The following NLRP5 variants were observed in gnomAD, a reference collection of about 807,000 sequenced individuals.
NLRP5 encodes the protein NACHT, LRR and PYD domains-containing protein 5.
In NLRP5, 93 loss-of-function variants were observed where a neutral mutation model predicts 113.1. The ratio of observed to expected loss-of-function variants is 0.82; its 90% CI spans 0.70 to 0.98. The LOEUF (loss-of-function observed/expected upper bound fraction) is 0.98, where lower values mean the gene tolerates loss of function less well. Among genes scored for constraint, NLRP5 ranks in the 50% least tolerant of loss-of-function variants. The probability of loss-of-function intolerance (pLI) is 0.00; values close to 1 mark genes in which losing one functional copy is unlikely to be tolerated. For missense variants in NLRP5, 1,808 were observed against 1,514.3 expected (o/e 1.19, Z -3.22); for synonymous variants, 751 against 600.7 (o/e 1.25, Z -3.66).
chr19:56,002,416 C>T (rs1981689243), intron 1 of NLRP5, among the ~76,000 whole-genome samples: 1 of 151,204 alleles, frequency 6.6e-6, no homozygotes, highest in Non-Finnish European at 1.5e-5. Context: ...AACCCTGTAA[C>T]TGGTTATTAG....
intron 11 of NLRP5, among the ~76,000 whole-genome samples, chr19:56,050,177 G>A (rs1470163165): frequency 6.6e-6 from 1 of 151,990 alleles, no homozygotes. Context: ...CTACTCAGAA[G>A]GCTGAGGCAG....
the NLRP5 span, chr19:55,987,747 A>G: frequency 1.7e-6 from 2 of 1,172,004 alleles, no homozygotes; most frequent in African/African-American, 1.5e-5. Flanking sequence ...ACAAAATGCA[A>G]GCTTAGGGAA....
At chr19:56,022,143 T>C (rs1488064064) in intron 6 of NLRP5, among the ~76,000 whole-genome samples, 5 of 152,190 alleles carry the variant, frequency 3.3e-5, no homozygotes, top group African/African-American at 4.8e-5. Flanking sequence ...GAATAATTAC[T>C]CTGGTCTAGG....
chr19:56,014,033 G>C (rs73068157), intron 3 of NLRP5, among the ~76,000 whole-genome samples: 8,477 of 152,108 alleles, frequency 0.056, 289 homozygotes, highest in African/African-American at 0.078. Flanking sequence ...TTATCATCTA[G>C]ATTATGTAGA....
the NLRP5 span, among the ~76,000 whole-genome samples, chr19:55,990,079 C>CTTTTCTTTTTT: frequency 1.0e-5 from 1 of 95,958 alleles, no homozygotes. Flanking sequence ...TTTCTTTTTT[C>CTTTTCTTTTTT]TTTTTTTTTT....
intron 11 of NLRP5, among the ~76,000 whole-genome samples, chr19:56,042,545 C>T (rs922009013): frequency 3.3e-5 from 5 of 152,162 alleles, no homozygotes; most frequent in African/African-American, 1.2e-4. Context: ...GGCAGGGTTT[C>T]ACCATGTTGT....
chr19:56,055,298 C>T (rs547276854), intron 13 of NLRP5, among the ~76,000 whole-genome samples: 1 of 151,044 alleles, frequency 6.6e-6, no homozygotes, highest in East Asian at 2.0e-4. Context: ...GGCCGGGACC[C>T]TTTTCCTTCT....
At position 56,032,730 on chromosome 19, in the gene NLRP5, A is replaced by G. The variant is rs1395430229; in HGVS notation, c.2396A>G (p.Lys799Arg). The G allele has an allele frequency of 6.2e-7, 1 of 1,612,910 alleles. No homozygotes were observed. The highest frequency in any genetic ancestry group is 8.5e-7 in the Non-Finnish European group (1 of 1,179,754). ...AGCATCCTGACAGAGCGGGCCATGA[A>G]GACCCTGTGTGCCAAGCTGAGGCAT... Residue 799 changes from lysine to arginine, a missense_variant, in exon 8 of 15, where the codon AAG becomes AGG. Lys to Arg is a conservative substitution (Grantham distance 26, BLOSUM62 2). Transcript: ENST00000390649.
chr19:56,035,537 A>G (rs1983279040), intron 9 of NLRP5, among the ~76,000 whole-genome samples: 1 of 152,232 alleles, frequency 6.6e-6, no homozygotes, highest in South Asian at 2.1e-4. Flanking sequence ...TAAGATAGAC[A>G]TTGTCGGAAA....
At chr19:55,999,279 A>G (rs147331516), upstream of NLRP5, among the ~76,000 whole-genome samples, 11,228 of 145,858 alleles carry the variant, frequency 0.077, 493 homozygotes, top group African/African-American at 0.12. Context: ...CAATGCCACA[A>G]TCTTGGCTCA....
chr19:56,042,150 G>A (rs1172295666), intron 11 of NLRP5, among the ~76,000 whole-genome samples: 1 of 152,104 alleles, frequency 6.6e-6, no homozygotes, highest in Admixed American at 6.5e-5. Context: ...GAGCACTCCC[G>A]GTATTGATTT....
the NLRP5 span, among the ~76,000 whole-genome samples, chr19:55,993,036 A>G: frequency 2.4e-3 from 372 of 151,868 alleles, 1 homozygote; most frequent in African/African-American, 8.6e-3. Flanking sequence ...TTTAGTAGAG[A>G]TGGGGTTTCT....
In NLRP5 at chr19:56,036,058, C is replaced by CTTTTTTTTTTTTTTTTTTTT. The variant is rs34956178; in HGVS notation, c.2616-1964_2616-1945dup. Among the ~76,000 whole-genome samples, 41 of 77,002 alleles carry CTTTTTTTTTTTTTTTTTTTT rather than the reference C, an allele frequency of 5.3e-4. 5 individuals are homozygous for CTTTTTTTTTTTTTTTTTTTT. The highest frequency in any genetic ancestry group is 1.8e-3 in the African/African-American group (31 of 17,614). The allele number at this position is 77,002 out of a possible 152,430, so 50.5% of individuals were successfully genotyped here. A position where few individuals can be genotyped will look rare whatever the true frequency, so the allele number is the denominator to read the frequency against. On this transcript the variant is annotated intron_variant, in intron 9 of 14. Coordinates refer to ENST00000390649, the MANE Select transcript of NLRP5 (RefSeq NM_153447.4). ...ACATGCTGATGAATGAATTGAGATT[C>CTTTTTTTTTTTTTTTTTTTT]TTTTTTTTTTTTTTTTTTTTTTGGA...
chr19:56,060,049 G>GA (rs1984295088), intron 14 of NLRP5, among the ~76,000 whole-genome samples: 1 of 152,196 alleles, frequency 6.6e-6, no homozygotes, highest in Non-Finnish European at 1.5e-5. Flanking sequence ...ATGAATCTGG[G>GA]AGTCTTGGTT....
At chr19:56,032,218 G>A (rs184928674) in intron 7 of NLRP5, among the ~76,000 whole-genome samples, 16 of 152,144 alleles carry the variant, frequency 1.1e-4, no homozygotes, top group Middle Eastern at 3.4e-3. Flanking sequence ...GATGGCATGC[G>A]CCTGTAGTCC....
chr19:56,002,274 A>G (rs1485159205), intron 1 of NLRP5, among the ~76,000 whole-genome samples: 1 of 152,174 alleles, frequency 6.6e-6, no homozygotes, highest in Non-Finnish European at 1.5e-5. Context: ...TAGTGTATGT[A>G]TATTATCTAG....
chr19:56,006,372 T>C (rs1461759793), intron 2 of NLRP5, among the ~76,000 whole-genome samples: 1 of 152,044 alleles, frequency 6.6e-6, no homozygotes, highest in Non-Finnish European at 1.5e-5. Context: ...CATGTATACA[T>C]ATGTAACAAA....
chr19:56,026,861 C>A, intron 6 of NLRP5, 52 bp from the exon 7 acceptor site: 1 of 1,510,764 alleles, frequency 6.6e-7, no homozygotes, highest in East Asian at 2.5e-5. Flanking sequence ...CAGGTGCGAG[C>A]CACTGTGCCT....
intron 3 of NLRP5, among the ~76,000 whole-genome samples, chr19:56,010,374 ACT>A (rs950416838): frequency 2.0e-5 from 3 of 151,656 alleles, no homozygotes; most frequent in Admixed American, 6.6e-5. Flanking sequence ...AGAGACAGAC[ACT>A]CTACCCTCAA....
Sources: allele counts gnomAD v4.1 joint callset (sites outside exome capture counted in the v4.1 genomes callset), GRCh38; gene constraint gnomAD v4.1.1; transcripts MANE v1.5; gene names NCBI Gene and HGNC (gene_info 2026-07-23, HGNC 2026-07-21).